Variants in TACC2 observed in about 807,000 individuals in gnomAD.
TACC2 encodes transforming acidic coiled-coil-containing protein 2.
TACC2 carries 137 observed loss-of-function variants against 227.3 expected under a neutral mutation model. The ratio of observed to expected loss-of-function variants is 0.60; its 90% CI spans 0.52 to 0.69. TACC2 has a LOEUF of 0.69. Among genes scored for constraint, TACC2 ranks in the 30% least tolerant of loss-of-function variants. The probability of loss-of-function intolerance (pLI) is 0.00; values close to 1 mark genes in which losing one functional copy is unlikely to be tolerated. For missense variants in TACC2, 3,470 were observed against 3,694.4 expected (o/e 0.94, Z 1.57); for synonymous variants, 1,523 against 1,487.5 (o/e 1.02, Z -0.55).
intron 7 of TACC2, among the ~76,000 whole-genome samples, chr10:122,165,127 G>A (rs1253135893): frequency 1.3e-5 from 2 of 152,148 alleles, no homozygotes. Context: ...GCTTGAGAAA[G>A]CATCGTCTTA....
chr10:122,013,676 G>A (rs573400255), intron 1 of TACC2, among the ~76,000 whole-genome samples: 16 of 152,324 alleles, frequency 1.1e-4, no homozygotes, highest in African/African-American at 3.6e-4. Flanking sequence ...CACAGAACCC[G>A]ACTGCCCGAG....
At chr10:122,036,723 G>C (rs1313228778) in intron 2 of TACC2, among the ~76,000 whole-genome samples, 1 of 152,066 alleles carries the variant, frequency 6.6e-6, no homozygotes, top group Non-Finnish European at 1.5e-5. Context: ...TGACTATAGT[G>C]AATAATGCTG....
intron 5 of TACC2, among the ~76,000 whole-genome samples, chr10:122,113,609 T>C (rs1592154347): frequency 1.3e-5 from 2 of 152,308 alleles, no homozygotes; most frequent in Non-Finnish European, 2.9e-5. Flanking sequence ...GGTCCCGCCC[T>C]TGGGGGCCTC....
intron 7 of TACC2, among the ~76,000 whole-genome samples, chr10:122,146,547 G>T (rs1188398623): frequency 1.3e-5 from 2 of 152,018 alleles, no homozygotes; most frequent in Admixed American, 1.3e-4. Flanking sequence ...GAGGAAGAAA[G>T]ACCCGAGCTA....
intron 19 of TACC2, among the ~76,000 whole-genome samples, chr10:122,243,102 C>A (rs1474035098): frequency 6.6e-6 from 1 of 152,206 alleles, no homozygotes; most frequent in Admixed American, 6.5e-5. Context: ...TGCCATCATG[C>A]CTGGCTAATT....
intron 5 of TACC2, among the ~76,000 whole-genome samples, chr10:122,122,262 G>A (rs2085970036): frequency 6.6e-6 from 1 of 152,156 alleles, no homozygotes; most frequent in Admixed American, 6.5e-5. Context: ...GGCTGAGGCA[G>A]GAGAATGGCG....
chr10:122,176,411 C>T (rs775672261), intron 7 of TACC2, among the ~76,000 whole-genome samples: 58 of 152,178 alleles, frequency 3.8e-4, no homozygotes, highest in Non-Finnish European at 7.5e-4. Context: ...TTGACTCTTG[C>T]GCCCTCGGTT....
At chr10:122,219,688 A>G (rs528483843) in intron 11 of TACC2, among the ~76,000 whole-genome samples, 2 of 152,256 alleles carry the variant, frequency 1.3e-5, no homozygotes, top group African/African-American at 4.8e-5. Flanking sequence ...GGTGGGTTAC[A>G]TCTCTTGAGC....
At chr10:122,156,707 T>G (rs1157159787) in intron 7 of TACC2, among the ~76,000 whole-genome samples, 1 of 152,240 alleles carries the variant, frequency 6.6e-6, no homozygotes, top group Non-Finnish European at 1.5e-5. Flanking sequence ...AGCAATTCTC[T>G]GGTGTCACTT....
intron 3 of TACC2, 138 bp from the exon 4 acceptor site, chr10:122,082,509 T>G: frequency 2.2e-6 from 2 of 903,730 alleles, no homozygotes; most frequent in South Asian, 1.6e-5. Context: ...CAGAGAGGAA[T>G]GAGCTGCATG....
chr10:122,234,704 T>G (rs1410326275), intron 16 of TACC2, among the ~76,000 whole-genome samples: 1 of 152,234 alleles, frequency 6.6e-6, no homozygotes, highest in East Asian at 1.9e-4. Flanking sequence ...TTGAATTTTC[T>G]TAGAAACCCC....
At chr10:122,174,728 T>C (rs957385310) in intron 7 of TACC2, among the ~76,000 whole-genome samples, 44 of 152,200 alleles carry the variant, frequency 2.9e-4, no homozygotes, top group African/African-American at 1.1e-3. Flanking sequence ...AATTTTCAAG[T>C]ATATAGCACA....
chr10:122,132,345 C>T (rs918691899), intron 5 of TACC2, among the ~76,000 whole-genome samples: 6 of 151,988 alleles, frequency 3.9e-5, no homozygotes, highest in African/African-American at 1.4e-4. Context: ...CAGGAGTTTG[C>T]GACCTGCCTG....
intron 3 of TACC2, among the ~76,000 whole-genome samples, chr10:122,054,157 G>T (rs150221326): frequency 2.6e-5 from 4 of 152,184 alleles, no homozygotes; most frequent in Non-Finnish European, 5.9e-5. Context: ...CATCCCCAAA[G>T]TTCTTCAATA....
At chr10:122,007,726 C>G (rs569162601) in intron 1 of TACC2, among the ~76,000 whole-genome samples, 3 of 151,664 alleles carry the variant, frequency 2.0e-5, no homozygotes, top group African/African-American at 7.2e-5. Flanking sequence ...TTTTTTCTTT[C>G]TTTTCCCCAT....
rs766587352 is a variant in TACC2, at chr10:122,085,039, G to A, written c.2539G>A (p.Glu847Lys). The A allele has an allele frequency of 6.2e-7, 1 of 1,614,194 alleles. No homozygotes were observed. Among genetic ancestry groups the A allele is most frequent in the South Asian group, 1.1e-5 (1 of 91,080 alleles). The change falls in exon 4 of 23, where the codon GAG becomes AAG. Residue 847 changes from glutamate (E) to lysine (K), a missense_variant. By Grantham distance (56) the Glu-to-Lys change is moderately conservative (BLOSUM62 1). Around this residue, in one of 10 missense-constraint regions of TACC2, gnomAD observed 1,924 missense variants for 1,978.3 expected, o/e 0.97. Transcript: ENST00000369005. ...GACATCCATCTTTGACGTGCTCAAG[G>A]AGCAGGCCCAGCCACCTGAAAATGG... is the stretch of plus-strand genomic sequence containing the variant. ...PETSIFDVLKEQAQPPENGKE... is the reference protein window; with the variant it reads ...PETSIFDVLKKQAQPPENGKE...
At chr10:122,163,597 G>T (rs974231028) in intron 7 of TACC2, 5 of 1,007,646 alleles carry the variant, frequency 5.0e-6, no homozygotes, top group East Asian at 1.0e-4. Context: ...CTGCCGGGGG[G>T]TTTAAGAGAA....
chr10:122,105,886 G>A (rs192402240), intron 5 of TACC2, among the ~76,000 whole-genome samples: 2,359 of 151,630 alleles, frequency 0.016, 31 homozygotes, highest in Non-Finnish European at 0.021. Context: ...GCCTCCCAAA[G>A]TGCTGGGATT....
At position 122,202,596 on chromosome 10, in the gene TACC2, C is replaced by A. The variant is rs548363718; in HGVS notation, c.5971+7420C>A. 2.8e-3 allele frequency among the ~76,000 whole-genome samples: 416 copies of A among 149,828 alleles called. 2 individuals are homozygous for A. Among genetic ancestry groups the A allele is most frequent in the Admixed American group, 4.6e-3 (69 of 14,962 alleles). On this transcript the variant is annotated intron_variant, in intron 8 of 22. Coordinates refer to ENST00000369005, the MANE Select transcript of TACC2 (RefSeq NM_206862.4). Reference sequence around the variant, plus strand: ...TTCCCTGTTTTGGTCAGTACATCATCCAAGAGTTTCCTGACAAAAGAGATG... The same window carrying A: ...TTCCCTGTTTTGGTCAGTACATCATACAAGAGTTTCCTGACAAAAGAGATG...
Sources: gnomAD v4.1 joint callset for allele counts (sites outside exome capture counted in the v4.1 genomes callset) on GRCh38, gnomAD v4.1.1 for gene constraint, gnomAD v4.1.1 regional missense constraint, MANE v1.5 for transcripts, NCBI Gene and HGNC (gene_info 2026-07-23, HGNC 2026-07-21) for gene names.